FGF10: variants seen among roughly 807,000 people sequenced by gnomAD.
The protein encoded by FGF10 is fibroblast growth factor 10, also known as FGF-10.
A neutral mutation model predicts 19.8 loss-of-function variants in FGF10; 2 were observed. The observed-to-expected ratio is 0.10, with a 90% CI of 0.04 to 0.32. FGF10 has a LOEUF of 0.32. FGF10 is among the 10% of genes least tolerant of loss of function. FGF10 has a pLI of 1.00. For missense variants in FGF10, 191 were observed against 246.3 expected (o/e 0.78, Z 1.50); for synonymous variants, 112 against 94.0 (o/e 1.19, Z -1.10).
intron 1 of FGF10, among the ~76,000 whole-genome samples, chr5:44,360,447 T>A (rs1284055322): frequency 6.6e-6 from 1 of 151,546 alleles, no homozygotes; most frequent in Non-Finnish European, 1.5e-5. Context: ...AAGCATCTGA[T>A]CCTTGATCCC....
chr5:44,305,392 A>T (rs947469901), intron 2 of FGF10, among the ~76,000 whole-genome samples, 200 bp from the exon 3 acceptor site: 3 of 152,164 alleles, frequency 2.0e-5, no homozygotes, highest in African/African-American at 7.2e-5. Flanking sequence ...AAAGCACATG[A>T]TACATTTTAA....
Position 44,302,284 on chromosome 5 carries a change from T to TTCCC in FGF10, c.*2710_*2711insGGGA, listed in dbSNP as rs1739982031. On this transcript the variant is annotated 3_prime_UTR_variant, in exon 3 of 3. Transcript: ENST00000264664. The stretch of plus-strand genomic sequence containing the variant: ...TTTCCTTCCTTCCTTCTTTCCTTGC[T>TTCCC]TCCTTCCTTCCTTCCTTCCTTCCTT... 2.8e-5 allele frequency among the ~76,000 whole-genome samples: 1 copy of TTCCC among 35,836 alleles called. No homozygotes were observed. Among genetic ancestry groups the TTCCC allele is most frequent in the Admixed American group, 3.3e-4 (1 of 3,022 alleles). 23.5% of individuals were successfully genotyped at this position (35,836 alleles called of 152,430 possible). A position where few individuals can be genotyped will look rare whatever the true frequency, so the allele number is the denominator to read the frequency against.
chr5:44,354,207 C>T (rs958057546), intron 1 of FGF10, among the ~76,000 whole-genome samples: 1 of 151,064 alleles, frequency 6.6e-6, no homozygotes, highest in Non-Finnish European at 1.5e-5. Context: ...AAGTAAAACT[C>T]TTAAATAGAA....
intron 1 of FGF10, among the ~76,000 whole-genome samples, chr5:44,374,173 C>T (rs547681663): frequency 6.6e-6 from 1 of 152,256 alleles, no homozygotes; most frequent in East Asian, 1.9e-4. Context: ...TCTTCAAAGA[C>T]AACAACATTG....
chr5:44,319,486 T>G (rs1217818893), intron 1 of FGF10, among the ~76,000 whole-genome samples: 1 of 152,142 alleles, frequency 6.6e-6, no homozygotes, highest in African/African-American at 2.4e-5. Flanking sequence ...ACTTGATGCA[T>G]TAAAGTGTTC....
At chr5:44,340,523 T>C (rs866830409) in intron 1 of FGF10, among the ~76,000 whole-genome samples, 12 of 152,112 alleles carry the variant, frequency 7.9e-5, no homozygotes, top group African/African-American at 2.7e-4. Flanking sequence ...AGGACACAGA[T>C]AAATGTTTCT....
intron 1 of FGF10, 57 bp downstream of exon 1, chr5:44,388,301 C>CT: frequency 6.5e-7 from 1 of 1,529,948 alleles, no homozygotes; most frequent in Non-Finnish European, 9.0e-7. Context: ...ATTTTTCCCC[C>CT]CCGTGTGGGC....
intron 1 of FGF10, among the ~76,000 whole-genome samples, chr5:44,321,565 C>T (rs573185229): frequency 2.0e-5 from 3 of 152,254 alleles, no homozygotes; most frequent in East Asian, 1.9e-4. Flanking sequence ...TTTCACTGCT[C>T]GGGTCAAAGA....
chr5:44,320,191 A>G (rs1740450881), intron 1 of FGF10, among the ~76,000 whole-genome samples: 1 of 152,182 alleles, frequency 6.6e-6, no homozygotes, highest in South Asian at 2.1e-4. Context: ...GACAGATTTG[A>G]CTGCACAGAG....
In FGF10 at chr5:44,389,078, G is replaced by A; in HGVS notation, c.-396C>T. The A allele has an allele frequency of 3.1e-6, 1 of 326,626 alleles. No individual in the cohort carries two copies. Among genetic ancestry groups the A allele is most frequent in the Non-Finnish European group, 6.0e-6 (1 of 166,598 alleles). 20.2% of individuals were successfully genotyped at this position (326,626 alleles called of 1,614,324 possible). On this transcript the variant is annotated 5_prime_UTR_variant, in exon 1 of 3. Coordinates refer to ENST00000264664, the MANE Select transcript of FGF10 (RefSeq NM_004465.2). ...AGGTCTGAAAAACAGATGACAGCACGGTGAACAAAACCCAAGGGAGGTGGG... is the reference window on the plus strand; with the variant it reads ...AGGTCTGAAAAACAGATGACAGCACAGTGAACAAAACCCAAGGGAGGTGGG...
chr5:44,372,738 G>A (rs2929851), intron 1 of FGF10, among the ~76,000 whole-genome samples: 149,625 of 152,334 alleles, frequency 0.98, 73,549 homozygotes, highest in East Asian at 1. Context: ...TAGAACAAGC[G>A]TAGTATAACA....
intron 1 of FGF10, among the ~76,000 whole-genome samples, chr5:44,315,262 T>A (rs1436674170): frequency 6.6e-6 from 1 of 151,880 alleles, no homozygotes; most frequent in African/African-American, 2.4e-5. Flanking sequence ...CTTTAAATAG[T>A]GAAGCCATCC....
At chr5:44,381,645 C>G (rs963279104) in intron 1 of FGF10, among the ~76,000 whole-genome samples, 48 of 152,140 alleles carry the variant, frequency 3.2e-4, no homozygotes, top group African/African-American at 1.1e-3. Context: ...ATGAACATGT[C>G]AAGTTGTCCT....
intron 1 of FGF10, among the ~76,000 whole-genome samples, chr5:44,342,331 T>C (rs981817292): frequency 1.3e-5 from 2 of 151,956 alleles, no homozygotes; most frequent in Non-Finnish European, 2.9e-5. Flanking sequence ...TCAGTGTACA[T>C]TGTGTTAGGC....
At chr5:44,381,430 T>C (rs1741979809) in intron 1 of FGF10, among the ~76,000 whole-genome samples, 1 of 151,960 alleles carries the variant, frequency 6.6e-6, no homozygotes, top group Admixed American at 6.6e-5. Context: ...TTCCCTGGGC[T>C]TAAAGGTATG....
intron 1 of FGF10, among the ~76,000 whole-genome samples, chr5:44,313,649 G>T: frequency 6.6e-6 from 1 of 151,266 alleles, no homozygotes. Flanking sequence ...AAGGACACAT[G>T]AATTATATTT....
chr5:44,349,108 A>C (rs1022947746), intron 1 of FGF10, among the ~76,000 whole-genome samples: 1 of 151,226 alleles, frequency 6.6e-6, no homozygotes, highest in Admixed American at 6.6e-5. Context: ...TTAAGATTAA[A>C]TTAAAGTTGT....
intron 1 of FGF10, among the ~76,000 whole-genome samples, chr5:44,368,351 A>G (rs1044672264): frequency 6.6e-6 from 1 of 151,776 alleles, no homozygotes; most frequent in Non-Finnish European, 1.5e-5. Context: ...AGCACAAAAC[A>G]TTAGGAAAAA....
chr5:44,333,891 G>A (rs945346388), intron 1 of FGF10, among the ~76,000 whole-genome samples: 6 of 151,990 alleles, frequency 3.9e-5, no homozygotes, highest in Admixed American at 1.3e-4. Context: ...AAGAGGCAGC[G>A]GGAGGGAAAG....
Sources: allele counts gnomAD v4.1 joint callset (sites outside exome capture counted in the v4.1 genomes callset), GRCh38; gene constraint gnomAD v4.1.1; transcripts MANE v1.5; gene names NCBI Gene and HGNC (gene_info 2026-07-23, HGNC 2026-07-21).